Variants in CSGALNACT1 observed in about 807,000 individuals in gnomAD.
The protein encoded by CSGALNACT1 is beta4GalNAcT-1.
In CSGALNACT1, 52 loss-of-function variants were observed where a neutral mutation model predicts 51.0. The ratio of observed to expected loss-of-function variants is 1.02; its 90% confidence interval spans 0.82 to 1.29. The LOEUF (loss-of-function observed/expected upper bound fraction) is 1.29. Ranked by LOEUF, CSGALNACT1 falls within the 50% of genes most tolerant of loss-of-function variation. The pLI is 0.00. For missense variants in CSGALNACT1, 935 were observed against 679.2 expected, an observed-to-expected ratio of 1.38 and a Z score of -4.19; for synonymous variants, 341 against 254.4, an observed-to-expected ratio of 1.34 and a Z score of -3.24.
chr8:19,456,912 T>C (rs1463382699), intron 5 of CSGALNACT1, among the ~76,000 whole-genome samples: 1 of 152,144 alleles, frequency 6.6e-6, no homozygotes, highest in African/African-American at 2.4e-5. Context: ...TTTGAAAACT[T>C]ATGATGTTTA....
chr8:19,529,966 A>T (rs1398560672), intron 3 of CSGALNACT1, among the ~76,000 whole-genome samples: 2 of 152,170 alleles, frequency 1.3e-5, no homozygotes, highest in Non-Finnish European at 2.9e-5. Context: ...CACGCCTGTA[A>T]TCCTAGCACT....
chr8:19,675,689 T>C (rs982973638), intron 1 of CSGALNACT1, among the ~76,000 whole-genome samples: 3 of 152,126 alleles, frequency 2.0e-5, no homozygotes, highest in African/African-American at 2.4e-5. Context: ...AGACAGGGTT[T>C]CACTGTGTTG....
At chr8:19,685,310 A>G (rs149798631), upstream of CSGALNACT1, among the ~76,000 whole-genome samples, 1 of 152,184 alleles carries the variant, frequency 6.6e-6, no homozygotes, top group African/African-American at 2.4e-5. Context: ...GGAGTTTGAG[A>G]CCAGTCTGGG....
At position 19,587,210 on chromosome 8, in the gene CSGALNACT1, G is replaced by T. The variant is rs544877968; in HGVS notation, c.-297+3950C>A. Among the ~76,000 whole-genome samples the T allele has an allele frequency of 6.6e-5, 10 of 152,226 alleles. No homozygotes were observed. The East Asian group carries it at 1.9e-3, about 29-fold the overall frequency. On this transcript the variant is annotated intron_variant, in intron 3 of 9. Coordinates refer to ENST00000454498, the Ensembl canonical transcript of CSGALNACT1. ...TTCAAAATTGCAGGTAACTGGCACT[G>T]CCCAAGACACACAGAATCAGAAACT...
intron 1 of CSGALNACT1, among the ~76,000 whole-genome samples, chr8:19,650,149 T>C (rs1157237723): frequency 6.6e-6 from 1 of 152,148 alleles, no homozygotes; most frequent in Non-Finnish European, 1.5e-5. Context: ...ATAAGGATAC[T>C]CCTGTTGGAG....
At chr8:19,658,438 A>G (rs1228604848) in intron 1 of CSGALNACT1, among the ~76,000 whole-genome samples, 1 of 152,226 alleles carries the variant, frequency 6.6e-6, no homozygotes, top group Non-Finnish European at 1.5e-5. Flanking sequence ...AGGAATCTCA[A>G]AAACCAAACA....
At chr8:19,512,768 G>A (rs937467208) in intron 3 of CSGALNACT1, among the ~76,000 whole-genome samples, 4 of 152,086 alleles carry the variant, frequency 2.6e-5, no homozygotes, top group South Asian at 2.1e-4. Context: ...AAAGCCCTCC[G>A]AGATTTTATT....
chr8:19,706,623 A>C (rs922271444), intron 1 of CSGALNACT1, among the ~76,000 whole-genome samples: 1 of 152,066 alleles, frequency 6.6e-6, no homozygotes, highest in South Asian at 2.1e-4. Flanking sequence ...AGCAATAATA[A>C]ATGTTGGCAG....
intron 5 of CSGALNACT1, among the ~76,000 whole-genome samples, chr8:19,441,814 T>A (rs1285286102): frequency 2.0e-5 from 3 of 152,100 alleles, no homozygotes; most frequent in Non-Finnish European, 4.4e-5. Flanking sequence ...TTTTGCAACC[T>A]ACTCATCTGA....
At chr8:19,461,385 T>C (rs1408278899) in intron 4 of CSGALNACT1, among the ~76,000 whole-genome samples, 1 of 152,104 alleles carries the variant, frequency 6.6e-6, no homozygotes, top group Admixed American at 6.5e-5. Flanking sequence ...TGGGGCTGAG[T>C]CTGAAAGCAG....
At chr8:19,742,956 G>C (rs1050160739) in intron 1 of CSGALNACT1, among the ~76,000 whole-genome samples, 24 of 152,196 alleles carry the variant, frequency 1.6e-4, no homozygotes, top group Admixed American at 5.9e-4. Context: ...CTGTGGTGCA[G>C]AAACACTGGA....
intron 3 of CSGALNACT1, among the ~76,000 whole-genome samples, chr8:19,542,540 C>G (rs2085455718): frequency 6.6e-6 from 1 of 152,116 alleles, no homozygotes; most frequent in African/African-American, 2.4e-5. Flanking sequence ...CTCCCAGGTT[C>G]TGAGTGACAC....
intron 3 of CSGALNACT1, among the ~76,000 whole-genome samples, chr8:19,575,129 G>A (rs1289992406): frequency 1.3e-5 from 2 of 152,144 alleles, no homozygotes; most frequent in Non-Finnish European, 2.9e-5. Context: ...AACTCACACA[G>A]TTATTGAATT....
chr8:19,738,042 T>A (rs915127408), intron 1 of CSGALNACT1, among the ~76,000 whole-genome samples: 6 of 152,194 alleles, frequency 3.9e-5, no homozygotes, highest in Non-Finnish European at 1.5e-5. Context: ...GATGATAAAT[T>A]TTGTTATGTG....
chr8:19,573,492 G>A (rs1225157424), intron 3 of CSGALNACT1, among the ~76,000 whole-genome samples: 1 of 151,636 alleles, frequency 6.6e-6, no homozygotes, highest in African/African-American at 2.4e-5. Flanking sequence ...TGCCCAGGCT[G>A]GAATGTAGTG....
At chr8:19,693,972 G>C (rs1370285245) in intron 1 of CSGALNACT1, among the ~76,000 whole-genome samples, 2 of 151,156 alleles carry the variant, frequency 1.3e-5, no homozygotes, top group African/African-American at 4.9e-5. Flanking sequence ...TTCCATGTCT[G>C]GTTTATTTCA....
chr8:19,541,288 T>G (rs2085068022), intron 3 of CSGALNACT1, among the ~76,000 whole-genome samples: 1 of 143,610 alleles, frequency 7.0e-6, no homozygotes, highest in Non-Finnish European at 1.5e-5. Context: ...TCTTGCTTAG[T>G]CACCTAGGCT....
chr8:19,582,695 A>T (rs1187631447), intron 3 of CSGALNACT1, among the ~76,000 whole-genome samples: 1 of 152,170 alleles, frequency 6.6e-6, no homozygotes, highest in Non-Finnish European at 1.5e-5. Context: ...GAGATGCTAC[A>T]GACTTTTTTT....
At chr8:19,504,318 C>T (rs912931353) in intron 4 of CSGALNACT1, among the ~76,000 whole-genome samples, 4 of 152,248 alleles carry the variant, frequency 2.6e-5, no homozygotes, top group East Asian at 1.9e-4. Flanking sequence ...CCTCATGATC[C>T]GCCTGCCTGG....
Sources: gnomAD v4.1 joint callset for allele counts (sites outside exome capture counted in the v4.1 genomes callset) on GRCh38, gnomAD v4.1.1 for gene constraint, MANE v1.5 for transcripts, NCBI Gene and HGNC (gene_info 2026-07-23, HGNC 2026-07-21) for gene names.